PCSK2: variants seen among roughly 807,000 people sequenced by gnomAD.
PCSK2 encodes the protein proprotein convertase subtilisin/kexin type 2, also known as neuroendocrine convertase 2.
PCSK2 carries 14 observed loss-of-function variants against 69.7 expected under a neutral mutation model. The observed-to-expected ratio is 0.20, with a 90% CI of 0.13 to 0.31. The LOEUF (loss-of-function observed/expected upper bound fraction) is 0.31. Among genes scored for constraint, PCSK2 ranks in the 10% least tolerant of loss-of-function variants. The probability of loss-of-function intolerance (pLI) is 1.00; values close to 1 mark genes in which losing one functional copy is unlikely to be tolerated. For synonymous variants in PCSK2, 307 were observed against 320.7 expected (o/e 0.96, Z 0.46); for missense variants, 544 against 842.5 (o/e 0.65, Z 4.39).
Position 17,457,738 on chromosome 20 carries a change from C to T in PCSK2, c.1202+1290C>T, listed in dbSNP as rs116949985. On this transcript the variant is annotated intron_variant, in intron 10 of 11. Coordinates refer to ENST00000262545, the MANE Select transcript of PCSK2 (RefSeq NM_002594.5). The stretch of plus-strand genomic sequence containing the variant: ...CTGAGCTGGCCTTGCTCACTGCATC[C>T]GCAAGGAGACAATTAGCACAGCCTG... Among the ~76,000 whole-genome samples, 151 of 152,308 alleles carry T rather than the reference C, an allele frequency of 9.9e-4. 1 individual carries two copies. In the East Asian group the frequency reaches 0.025, roughly 25 times the overall value.
chr20:17,394,615 G>A (rs2123278129), intron 5 of PCSK2, among the ~76,000 whole-genome samples: 1 of 152,288 alleles, frequency 6.6e-6, no homozygotes, highest in South Asian at 2.1e-4. Context: ...ATGGCAAAGA[G>A]CACCATGAGT....
At chr20:17,292,480 T>G (rs1374180992) in intron 2 of PCSK2, among the ~76,000 whole-genome samples, 1 of 152,224 alleles carries the variant, frequency 6.6e-6, no homozygotes, top group African/African-American at 2.4e-5. Context: ...TACAGGAATT[T>G]CTTTTGTAGT....
At chr20:17,406,303 G>A (rs896109315) in intron 5 of PCSK2, among the ~76,000 whole-genome samples, 4 of 152,206 alleles carry the variant, frequency 2.6e-5, no homozygotes, top group African/African-American at 9.6e-5. Flanking sequence ...CTCCTTGCTA[G>A]AAACCATTTG....
At chr20:17,315,529 G>A (rs2123119900) in intron 2 of PCSK2, among the ~76,000 whole-genome samples, 1 of 152,234 alleles carries the variant, frequency 6.6e-6, no homozygotes, top group Non-Finnish European at 1.5e-5. Flanking sequence ...GTCTCTGTCG[G>A]ACCTGCGACT....
chr20:17,412,636 A>G (rs1240056718), intron 6 of PCSK2, among the ~76,000 whole-genome samples: 1 of 152,226 alleles, frequency 6.6e-6, no homozygotes. Flanking sequence ...AACTTCCCCA[A>G]CCTAGCAAGG....
rs145011922 is a variant in PCSK2, at chr20:17,440,288, C to T, written c.885+3405C>T. Reference sequence around the variant, plus strand: ...CACAGATGCCGCATTTTAACAAGATCCCATTAAAGTTTGCAAGGTGTTGCT... The same window carrying T: ...CACAGATGCCGCATTTTAACAAGATTCCATTAAAGTTTGCAAGGTGTTGCT... On this transcript the variant is annotated intron_variant, in intron 8 of 11. Transcript: ENST00000262545. Among the ~76,000 whole-genome samples, 16 of 152,312 alleles carry T rather than the reference C, an allele frequency of 1.1e-4. No individual in the cohort carries two copies. In the East Asian group the frequency reaches 3.1e-3, roughly 29 times the overall value.
intron 2 of PCSK2, among the ~76,000 whole-genome samples, chr20:17,353,421 T>C (rs1600515566): frequency 6.9e-6 from 1 of 144,528 alleles, no homozygotes; most frequent in Non-Finnish European, 1.5e-5. Flanking sequence ...GCCAAGATCA[T>C]GCCACTGCAT....
rs985433988 is a variant in PCSK2, at chr20:17,408,965, A to G, written c.544-298A>G. Among the ~76,000 whole-genome samples the G allele has an allele frequency of 2.0e-5, 3 of 152,226 alleles. No homozygotes were observed. The South Asian group carries it at 6.2e-4, about 32-fold the overall frequency. On this transcript the variant is annotated intron_variant, in intron 5 of 11. Transcript: ENST00000262545. The stretch of plus-strand genomic sequence containing the variant: ...GGGTTCCAGGTGAAATCCATTAACC[A>G]CAAGGGCTACATCAACTTGAAAGGA...
intron 1 of PCSK2, among the ~76,000 whole-genome samples, chr20:17,248,175 G>GGTGTGT (rs10640964): frequency 0.032 from 4,563 of 144,400 alleles, 124 homozygotes; most frequent in African/African-American, 0.078. Context: ...TATAAAAAAG[G>GGTGTGT]GTGTGTGTGT....
Position 17,358,410 on chromosome 20 carries a change from C to T in PCSK2, c.366C>T (p.Asn122=), listed in dbSNP as rs775687454. 72 of 1,607,326 alleles carry T rather than the reference C, an allele frequency of 4.5e-5. No homozygotes were observed. Among genetic ancestry groups the T allele is most frequent in the African/African-American group, 3.1e-4 (23 of 74,794 alleles). The change falls in exon 3 of 12, where the codon AAC becomes AAT. Residue 122 remains asparagine, a synonymous_variant. Transcript: ENST00000262545. ...RDINEIDINM[N]DPLFTKQWYL... ...TCAATGAGATCGACATCAACATGAACGATCCTCTTTTTACAAAGCAGTGGT... is the reference window on the plus strand; with the variant it reads ...TCAATGAGATCGACATCAACATGAATGATCCTCTTTTTACAAAGCAGTGGT...
At chr20:17,408,372 C>T (rs1002907807) in intron 5 of PCSK2, among the ~76,000 whole-genome samples, 4 of 151,792 alleles carry the variant, frequency 2.6e-5, no homozygotes, top group African/African-American at 9.7e-5. Context: ...AAAAGGCAAA[C>T]CAACTAAAGA....
At position 17,450,017 on chromosome 20, in the gene PCSK2, C is replaced by CTTTTTTTTTT. The variant is rs61156656; in HGVS notation, c.886-3704_886-3695dup. On this transcript the variant is annotated intron_variant, in intron 8 of 11. Transcript: ENST00000262545. ...TTTTTAAGTTTGTTGAATTTCTTCC[C>CTTTTTTTTTT]TTTTTTTTTTTTTTTTTTTTTTTTT... 2.4e-4 allele frequency among the ~76,000 whole-genome samples: 15 copies of CTTTTTTTTTT among 61,834 alleles called. 2 individuals are homozygous for CTTTTTTTTTT. The highest frequency in any genetic ancestry group is 4.0e-4 in the Non-Finnish European group (14 of 34,974). The allele number at this position is 61,834 out of a possible 152,430, so 40.6% of individuals were successfully genotyped here. A position where few individuals can be genotyped will look rare whatever the true frequency, so the allele number is the denominator to read the frequency against.
chr20:17,476,413 C>A (rs2033290354), intron 11 of PCSK2, among the ~76,000 whole-genome samples: 1 of 152,222 alleles, frequency 6.6e-6, no homozygotes, highest in South Asian at 2.1e-4. Context: ...TCAGCACTCA[C>A]ATGATCTATG....
At chr20:17,311,106 T>A (rs941375581) in intron 2 of PCSK2, among the ~76,000 whole-genome samples, 1 of 152,076 alleles carries the variant, frequency 6.6e-6, no homozygotes, top group Non-Finnish European at 1.5e-5. Flanking sequence ...ACTAGAGTAG[T>A]TTGAGCCCAT....
intron 2 of PCSK2, among the ~76,000 whole-genome samples, chr20:17,274,600 G>A (rs186244320): frequency 3.3e-4 from 50 of 152,110 alleles, no homozygotes; most frequent in African/African-American, 1.2e-3. Flanking sequence ...GAGAGAGAGA[G>A]GCCAAGGAGC....
intron 2 of PCSK2, among the ~76,000 whole-genome samples, chr20:17,262,253 G>T (rs1235892753): frequency 6.6e-6 from 1 of 152,096 alleles, no homozygotes; most frequent in African/African-American, 2.4e-5. Flanking sequence ...CTATTATAAG[G>T]ATCCAGGTAG....
rs554964348 is a variant in PCSK2 at position 17,337,640 on chromosome 20, T to C, written c.283-20687T>C. Among the ~76,000 whole-genome samples the C allele has an allele frequency of 3.9e-4, 60 of 152,140 alleles. 1 individual carries two copies. The highest frequency in any genetic ancestry group is 1.3e-3 in the African/African-American group (52 of 41,536). On this transcript the variant is annotated intron_variant, in intron 2 of 11. Coordinates refer to ENST00000262545, the MANE Select transcript of PCSK2 (RefSeq NM_002594.5). Reference sequence around the variant, plus strand: ...ATAAATAATAATCATTTAAAAGCATTGGGAGAGGTGTGCAGTGACTCAGGC... The same window carrying C: ...ATAAATAATAATCATTTAAAAGCATCGGGAGAGGTGTGCAGTGACTCAGGC...
intron 2 of PCSK2, among the ~76,000 whole-genome samples, chr20:17,322,765 C>A (rs192928868): frequency 2.6e-5 from 4 of 152,350 alleles, no homozygotes; most frequent in African/African-American, 9.6e-5. Context: ...AAGGTGAACT[C>A]TCTCTGATGC....
At chr20:17,344,439 C>G (rs1210147466) in intron 2 of PCSK2, among the ~76,000 whole-genome samples, 43 of 152,130 alleles carry the variant, frequency 2.8e-4, no homozygotes, top group Non-Finnish European at 2.9e-5. Flanking sequence ...TGACAAGGCA[C>G]CACTGTTGAC....
Sources: gnomAD v4.1 joint callset for allele counts (sites outside exome capture counted in the v4.1 genomes callset) on GRCh38, gnomAD v4.1.1 for gene constraint, MANE v1.5 for transcripts, NCBI Gene and HGNC (gene_info 2026-07-23, HGNC 2026-07-21) for gene names.